Variants in TTF2 observed in about 807,000 individuals in gnomAD.
TTF2 encodes RNA polymerase II termination factor.
Under a neutral mutation model 142.4 loss-of-function variants are expected in TTF2, and 108 were observed. The observed-to-expected ratio is 0.76, with a 90% CI of 0.65 to 0.89. The LOEUF is 0.89. Among genes scored for constraint, TTF2 ranks in the 40% least tolerant of loss-of-function variants. The pLI, the probability that TTF2 is intolerant of heterozygous loss-of-function variation, is 0.00. For synonymous variants in TTF2, 483 were observed against 506.2 expected, an observed-to-expected ratio of 0.95 and a Z score of 0.61; for missense variants, 1,327 against 1,379.8, an observed-to-expected ratio of 0.96 and a Z score of 0.61.
rs929830411 is a variant in TTF2 at position 117,063,277 on chromosome 1, C to T, written c.218+804C>T. 6.6e-6 allele frequency among the ~76,000 whole-genome samples: 1 copy of T among 152,112 alleles called. No individual in the cohort carries two copies. The highest frequency in any genetic ancestry group is 2.4e-5 in the African/African-American group (1 of 41,414). ...TTAGTTATATGTATAGTAAGATACACAAGTCTTAAGATTTCAACCAGTTGA... is the reference window on the plus strand; with the variant it reads ...TTAGTTATATGTATAGTAAGATACATAAGTCTTAAGATTTCAACCAGTTGA... On this transcript the variant is annotated intron_variant, in intron 3 of 22. Transcript: ENST00000369466. This position sits in a 1 kb window ranked among gnomAD's most constrained non-coding sequence, Gnocchi z 4.1.
rs867618731 is a variant in TTF2 at position 117,075,851 on chromosome 1, CAA to C, written c.1270_1271del (p.Lys424GlufsTer42). The C allele has an allele frequency of 6.2e-7, 1 of 1,603,386 alleles. No homozygotes were observed. The highest frequency in any genetic ancestry group is 1.7e-5 in the Admixed American group (1 of 57,718). ...TGTCTACCTTACAACACAACTGAAA[CAA>C]AAGAAGGTAACTATTGACTCGTGTT... is the stretch of plus-strand genomic sequence containing the variant. ...RRVYLTTQLK[Q>X]KKSTLASVNI... On this transcript the variant is annotated frameshift_variant, in exon 5 of 23. Coordinates refer to ENST00000369466, the MANE Select transcript of TTF2 (RefSeq NM_003594.4). LOFTEE classifies it high-confidence loss of function. The surrounding 1 kb of genome is among the most constrained non-coding windows in gnomAD (Gnocchi z 4.5).
Position 117,076,078 on chromosome 1 carries a change from G to C in TTF2, c.1276-102G>C. Reference sequence around the variant, plus strand: ...CTGGTTTTTGCACACATATTTAAAAGACCATAATTTCAGAGTTTGGGTGTT... The same window carrying C: ...CTGGTTTTTGCACACATATTTAAAACACCATAATTTCAGAGTTTGGGTGTT... On this transcript the variant is annotated intron_variant, in intron 5 of 22. Transcript: ENST00000369466. The surrounding 1 kb of genome is among the most constrained non-coding windows in gnomAD (Gnocchi z 4.6). 7.5e-7 allele frequency: 1 copy of C among 1,331,184 alleles called. No homozygotes were observed. The highest frequency in any genetic ancestry group is 1.0e-6 in the Non-Finnish European group (1 of 972,784). 82.5% of individuals were successfully genotyped at this position (1,331,184 alleles called of 1,614,324 possible).
chr1:117,088,133 A>G (rs1570854572), intron 12 of TTF2, among the ~76,000 whole-genome samples: 1 of 152,242 alleles, frequency 6.6e-6, no homozygotes, highest in African/African-American at 2.4e-5. Flanking sequence ...GAAAATTGTT[A>G]GTAAATTTAG....
In TTF2 at chr1:117,081,945, A is replaced by G; in HGVS notation, c.1901A>G (p.Asp634Gly). 1 of 1,614,124 alleles carries G rather than the reference A, an allele frequency of 6.2e-7. No homozygotes were observed. The highest frequency in any genetic ancestry group is 1.7e-5 in the Admixed American group (1 of 60,024). ...ACAGCTTTGACGTGGCTCTCCAAAG[A>G]TGGTAGACAGAAGTGCCTTAATAGC... ...KSTALTWLSK[D>G]DSCDFTSHGT... is the part of the protein sequence containing the mutation. The change falls in exon 10 of 23, where the codon GAT becomes GGT. Residue 634 changes from aspartate (D) to glycine (G), a missense_variant and splice_region_variant. Physicochemically the swap from Asp to Gly is moderately conservative, Grantham distance 94 (BLOSUM62 -1). Coordinates refer to ENST00000369466, the MANE Select transcript of TTF2 (RefSeq NM_003594.4).
chr1:117,096,009 C>G, intron 19 of TTF2, 140 bp from the exon 20 acceptor site: 1 of 809,770 alleles, frequency 1.2e-6, no homozygotes, highest in Non-Finnish European at 1.9e-6. Flanking sequence ...TAAATGTGTG[C>G]CTTCTCCCTT....
At chr1:117,068,543 T>TAA (rs200495319) in intron 3 of TTF2, among the ~76,000 whole-genome samples, 233 of 114,652 alleles carry the variant, frequency 2.0e-3, no homozygotes, top group African/African-American at 7.0e-3. Flanking sequence ...TAAAGTGTAA[T>TAA]AAAAAAAAAA....
In TTF2 at chr1:117,068,772, A is replaced by C. The variant is rs868676574; in HGVS notation, c.219-4889A>C. ...ATGCGCCAGACCCAGCCAGAACCTC[A>C]GGCCCCACCAGCTGTGAAGGACCAC... is the stretch of plus-strand genomic sequence containing the variant. On this transcript the variant is annotated intron_variant, in intron 3 of 22. Coordinates refer to ENST00000369466, the MANE Select transcript of TTF2 (RefSeq NM_003594.4). Among the ~76,000 whole-genome samples the C allele has an allele frequency of 2.0e-5, 3 of 152,192 alleles. No individual in the cohort carries two copies. In the South Asian group the frequency reaches 6.2e-4, roughly 31 times the overall value.
intron 3 of TTF2, among the ~76,000 whole-genome samples, chr1:117,064,284 C>T (rs1655911765): frequency 6.6e-6 from 1 of 151,668 alleles, no homozygotes; most frequent in African/African-American, 2.4e-5. Flanking sequence ...TTGAGACCAG[C>T]CTGGCCAACC....
intron 13 of TTF2, among the ~76,000 whole-genome samples, 170 bp from the exon 14 acceptor site, chr1:117,089,885 C>A (rs1648413158): frequency 6.6e-6 from 1 of 152,074 alleles, no homozygotes; most frequent in Non-Finnish European, 1.5e-5. Flanking sequence ...GACTTACATC[C>A]TTTTGATCTG....
rs894719197 is a variant in TTF2, at chr1:117,102,379, C to T, written c.*855C>T. 2 of 152,206 alleles carry T rather than the reference C, an allele frequency of 1.3e-5. No homozygotes were observed. The highest frequency in any genetic ancestry group is 2.9e-5 in the Non-Finnish European group (2 of 68,050). 9.4% of individuals were successfully genotyped at this position (152,206 alleles called of 1,614,324 possible). On this transcript the variant is annotated 3_prime_UTR_variant, in exon 23 of 23. Coordinates refer to ENST00000369466, the MANE Select transcript of TTF2 (RefSeq NM_003594.4). Reference sequence around the variant, plus strand: ...TCTCAGTGCAGGCAGTTCTTCCTCTCAGGCTGAAGATCAAGGAGATGCTTT... The same window carrying T: ...TCTCAGTGCAGGCAGTTCTTCCTCTTAGGCTGAAGATCAAGGAGATGCTTT...
In TTF2 at chr1:117,093,910, C is replaced by A. The variant is rs1648841136; in HGVS notation, c.2976+1009C>A. ...AGGAGGCTTCTTACTGGAATTTGAC[C>A]CCGGCTCGTGGGCCATAAATCCAGC... On this transcript the variant is annotated intron_variant, in intron 18 of 22. Coordinates refer to ENST00000369466, the MANE Select transcript of TTF2 (RefSeq NM_003594.4). The surrounding 1 kb of genome is among the most constrained non-coding windows in gnomAD (Gnocchi z 4.5). Among the ~76,000 whole-genome samples the A allele has an allele frequency of 6.6e-6, 1 of 152,074 alleles. No individual in the cohort carries two copies. Among genetic ancestry groups the A allele is most frequent in the African/African-American group, 2.4e-5 (1 of 41,390 alleles).
intron 2 of TTF2, among the ~76,000 whole-genome samples, chr1:117,062,106 T>C (rs567566565): frequency 6.6e-6 from 1 of 152,296 alleles, no homozygotes; most frequent in African/African-American, 2.4e-5. Flanking sequence ...ATGTCATTCG[T>C]AGGGGGATCC....
intron 10 of TTF2, 107 bp downstream of exon 10, chr1:117,082,054 T>C: frequency 6.6e-7 from 1 of 1,524,196 alleles, no homozygotes; most frequent in South Asian, 1.1e-5. Flanking sequence ...ATTTAATTAC[T>C]CTACTGGAAA....
chr1:117,092,403 A>C lies in TTF2; in HGVS notation c.2806-328A>C, dbSNP rs1196093076. Among the ~76,000 whole-genome samples, 3 of 152,174 alleles carry C rather than the reference A, an allele frequency of 2.0e-5. No individual in the cohort carries two copies. The highest frequency in any genetic ancestry group is 2.9e-5 in the Non-Finnish European group (2 of 68,034). On this transcript the variant is annotated intron_variant, in intron 17 of 22. Transcript: ENST00000369466. The surrounding 1 kb of genome is among the most constrained non-coding windows in gnomAD (Gnocchi z 4.4). ...CCTACCTTGGATAGAGGCACATCCA[A>C]AATTAAGAGGAGTATTCTATTCATT... is the stretch of plus-strand genomic sequence containing the variant.
At position 117,073,551 on chromosome 1, in the gene TTF2, A is replaced by C. The variant is rs567456422; in HGVS notation, c.219-110A>C. The C allele has an allele frequency of 1.1e-5, 12 of 1,081,806 alleles. No homozygotes were observed. The highest frequency in any genetic ancestry group is 5.1e-5 in the Admixed American group (2 of 39,592). 67.0% of individuals were successfully genotyped at this position (1,081,806 alleles called of 1,614,324 possible). ...AGTAATTGGTTTCAAGTGACCTCCC[A>C]AAGCCAGGTTCAAATAGTTGCAAGA... On this transcript the variant is annotated intron_variant, in intron 3 of 22. Coordinates refer to ENST00000369466, the MANE Select transcript of TTF2 (RefSeq NM_003594.4). The surrounding 1 kb of genome is among the most constrained non-coding windows in gnomAD (Gnocchi z 4.4).
chr1:117,094,576 C>T (rs988129355), intron 18 of TTF2: 1 of 470,944 alleles, frequency 2.1e-6, no homozygotes. Flanking sequence ...TGGACAGGTC[C>T]TTTTCAACAA....
At chr1:117,072,422 CTTT>C (rs34927356) in intron 3 of TTF2, among the ~76,000 whole-genome samples, 5 of 102,030 alleles carry the variant, frequency 4.9e-5, no homozygotes, top group Non-Finnish European at 5.7e-5. Context: ...AAGATACGGA[CTTT>C]TTTTTTTTTT....
chr1:117,097,546 A>T lies in TTF2; in HGVS notation c.3269+113A>T, dbSNP rs1649261385. On this transcript the variant is annotated intron_variant, in intron 21 of 22. Coordinates refer to ENST00000369466, the MANE Select transcript of TTF2 (RefSeq NM_003594.4). The surrounding 1 kb of genome is among the most constrained non-coding windows in gnomAD (Gnocchi z 4.1). The stretch of plus-strand genomic sequence containing the variant: ...TGATTGCTGTGTTCGTATTGCAGAG[A>T]TGCCTTGCTTTGTATGTGTCTATAG... 6 of 986,676 alleles carry T rather than the reference A, an allele frequency of 6.1e-6. No homozygotes were observed. In the South Asian group the frequency reaches 6.7e-5, roughly 11 times the overall value. 61.1% of individuals were successfully genotyped at this position (986,676 alleles called of 1,614,324 possible). A position where few individuals can be genotyped will look rare whatever the true frequency, so the allele number is the denominator to read the frequency against.
At chr1:117,065,414 A>C (rs538134449) in intron 3 of TTF2, among the ~76,000 whole-genome samples, 8 of 152,240 alleles carry the variant, frequency 5.3e-5, no homozygotes, top group South Asian at 2.1e-4. Flanking sequence ...ATGGCTAACA[A>C]GGTGAAACCC....
Sources: gnomAD v4.1 joint callset for allele counts (sites outside exome capture counted in the v4.1 genomes callset) on GRCh38, gnomAD v4.1.1 for gene constraint, Gnocchi (gnomAD v3.1) non-coding constraint, MANE v1.5 for transcripts, NCBI Gene and HGNC (gene_info 2026-07-23, HGNC 2026-07-21) for gene names.